CLMN: variants seen among roughly 807,000 people sequenced by gnomAD.
The protein encoded by CLMN is calmin.
Under a neutral mutation model 92.7 loss-of-function variants are expected in CLMN, and 57 were observed. The observed-to-expected ratio is 0.61, with a 90% CI of 0.50 to 0.77. The LOEUF (loss-of-function observed/expected upper bound fraction) is 0.77. Among genes scored for constraint, CLMN ranks in the 30% least tolerant of loss-of-function variants. The pLI, the probability that CLMN is intolerant of heterozygous loss-of-function variation, is 0.00. For missense variants in CLMN, 1,158 were observed against 1,237.5 expected (o/e 0.94, Z 0.96); for synonymous variants, 466 against 470.6 (o/e 0.99, Z 0.13).
intron 1 of CLMN, among the ~76,000 whole-genome samples, chr14:95,286,731 G>C (rs779723020): frequency 6.6e-6 from 1 of 152,314 alleles, no homozygotes; most frequent in African/African-American, 2.4e-5. Flanking sequence ...AAGACCAAGA[G>C]TCTGCAGGGA....
Position 95,191,337 on chromosome 14 carries a change from T to C in CLMN, c.*227A>G. On this transcript the variant is annotated 3_prime_UTR_variant, in exon 13 of 13. Transcript: ENST00000298912. This position sits in a 1 kb window ranked among gnomAD's most constrained non-coding sequence, Gnocchi z 5.3. ...AACCCCACCTACGGATCCAGCTGCATGCCTGAGTTTTGAGTACACAGCCAA... is the reference window on the plus strand; with the variant it reads ...AACCCCACCTACGGATCCAGCTGCACGCCTGAGTTTTGAGTACACAGCCAA... The C allele has an allele frequency of 2.7e-6, 1 of 373,536 alleles. No individual in the cohort carries two copies. Among genetic ancestry groups the C allele is most frequent in the Middle Eastern group, 7.2e-4 (1 of 1,380 alleles). 23.1% of individuals were successfully genotyped at this position (373,536 alleles called of 1,614,324 possible). A position where few individuals can be genotyped will look rare whatever the true frequency, so the allele number is the denominator to read the frequency against.
In CLMN at chr14:95,230,129, C is replaced by G; in HGVS notation, c.87G>C (p.Glu29Asp). The change falls in exon 2 of 13, where the codon GAG becomes GAC. Residue 29 changes from glutamate to aspartate, a missense_variant. Transcript: ENST00000298912. ...SDIRVQNLQV[E>D]RENVQKRTFT... Reference sequence around the variant, plus strand: ...AGGTCCTCTTCTGCACATTTTCCCTCTCAACTGAAAACAAAGACATACCAT... The same window carrying G: ...AGGTCCTCTTCTGCACATTTTCCCTGTCAACTGAAAACAAAGACATACCAT... 1 of 1,614,122 alleles carries G rather than the reference C, an allele frequency of 6.2e-7. No homozygotes were observed. Among genetic ancestry groups the G allele is most frequent in the African/African-American group, 1.3e-5 (1 of 75,052 alleles).
chr14:95,215,616 T>C, intron 5 of CLMN, 25 bp downstream of exon 5: 2 of 1,586,098 alleles, frequency 1.3e-6, no homozygotes, highest in Non-Finnish European at 1.7e-6. Context: ...CATGATTGTG[T>C]GTTTTGGAAA....
chr14:95,272,854 G>C (rs1273506809), intron 1 of CLMN, among the ~76,000 whole-genome samples: 1 of 152,150 alleles, frequency 6.6e-6, no homozygotes, highest in African/African-American at 2.4e-5. Flanking sequence ...AACCTCCCTT[G>C]TTCATTTATT....
chr14:95,240,444 G>A (rs1286677256), intron 1 of CLMN, among the ~76,000 whole-genome samples: 6 of 152,136 alleles, frequency 3.9e-5, no homozygotes, highest in South Asian at 4.1e-4. Flanking sequence ...TCCATGCCTC[G>A]TGACCACTGC....
intron 7 of CLMN, 40 bp downstream of exon 7, chr14:95,210,646 A>C (rs765063740): frequency 6.6e-7 from 1 of 1,523,308 alleles, no homozygotes; most frequent in South Asian, 1.2e-5. Flanking sequence ...GTACATTTGT[A>C]AAAAAAAATT....
At chr14:95,240,983 C>A (rs183681444) in intron 1 of CLMN, among the ~76,000 whole-genome samples, 1 of 151,954 alleles carries the variant, frequency 6.6e-6, no homozygotes, top group South Asian at 2.1e-4. Flanking sequence ...GGCTCAAGTG[C>A]GGAAGAAAGG....
At chr14:95,318,602 G>C (rs1365909983) in intron 1 of CLMN, among the ~76,000 whole-genome samples, 2 of 152,100 alleles carry the variant, frequency 1.3e-5, no homozygotes, top group Non-Finnish European at 2.9e-5. Context: ...CTGGCTGGGG[G>C]AGGGCACCCA....
intron 1 of CLMN, among the ~76,000 whole-genome samples, chr14:95,255,129 G>A (rs10149487): frequency 0.014 from 2,158 of 152,218 alleles, 48 homozygotes; most frequent in African/African-American, 0.049. Flanking sequence ...ATGAGAGGAG[G>A]GGCAGGGGAC....
chr14:95,318,086 A>G (rs1901874827), intron 1 of CLMN, among the ~76,000 whole-genome samples: 1 of 152,134 alleles, frequency 6.6e-6, no homozygotes, highest in South Asian at 2.1e-4. Flanking sequence ...CTTCACAACA[A>G]TCAATCTTCT....
intron 1 of CLMN, among the ~76,000 whole-genome samples, chr14:95,231,528 T>C (rs1409125200): frequency 6.6e-6 from 1 of 152,064 alleles, no homozygotes; most frequent in Non-Finnish European, 1.5e-5. Context: ...CTTGAAAACA[T>C]CCCCCTCAGC....
At chr14:95,303,271 C>T (rs999812235) in intron 1 of CLMN, among the ~76,000 whole-genome samples, 1 of 152,246 alleles carries the variant, frequency 6.6e-6, no homozygotes, top group African/African-American at 2.4e-5. Flanking sequence ...TAACTCATTC[C>T]CTCAGCGGTG....
At chr14:95,216,959 G>C (rs1897369479) in intron 4 of CLMN, among the ~76,000 whole-genome samples, 2 of 152,196 alleles carry the variant, frequency 1.3e-5, no homozygotes, top group South Asian at 4.1e-4. Flanking sequence ...GCTCGGGTTT[G>C]AGGATCACTG....
intron 2 of CLMN, among the ~76,000 whole-genome samples, chr14:95,229,073 A>G (rs1372183622): frequency 1.3e-5 from 2 of 152,258 alleles, no homozygotes; most frequent in East Asian, 3.8e-4. Context: ...CTTGCTGGAT[A>G]TAGATGGAGA....
At chr14:95,298,617 T>C (rs936232339) in intron 1 of CLMN, among the ~76,000 whole-genome samples, 1 of 152,222 alleles carries the variant, frequency 6.6e-6, no homozygotes. Flanking sequence ...AAGTTAATCT[T>C]GGGTCAGAAC....
intron 3 of CLMN, among the ~76,000 whole-genome samples, chr14:95,222,762 C>T (rs1428051136): frequency 6.6e-6 from 1 of 152,162 alleles, no homozygotes; most frequent in African/African-American, 2.4e-5. Flanking sequence ...CTGCGGGTGC[C>T]GCTAATAGGT....
rs1435025498 is a variant in CLMN, at chr14:95,245,203, ATATAT to A, written c.83-15075_83-15071del. Among the ~76,000 whole-genome samples the A allele has an allele frequency of 5.1e-3, 167 of 32,834 alleles. 8 individuals carry two copies. Among genetic ancestry groups the A allele is most frequent in the African/African-American group, 0.021 (135 of 6,450 alleles). The allele number at this position is 32,834 out of a possible 152,430, so 21.5% of individuals were successfully genotyped here. A position where few individuals can be genotyped will look rare whatever the true frequency, so the allele number is the denominator to read the frequency against. On this transcript the variant is annotated intron_variant, in intron 1 of 12. Coordinates refer to ENST00000298912, the MANE Select transcript of CLMN (RefSeq NM_024734.4). The stretch of plus-strand genomic sequence containing the variant: ...ATATATATATATATATAATATATAT[ATATAT>A]TATATATATATATATATTATATATA...
At chr14:95,271,123 T>A (rs1440294219) in intron 1 of CLMN, among the ~76,000 whole-genome samples, 1 of 152,248 alleles carries the variant, frequency 6.6e-6, no homozygotes, top group Non-Finnish European at 1.5e-5. Context: ...AAGAAATATC[T>A]ACTCAAATCC....
intron 1 of CLMN, among the ~76,000 whole-genome samples, chr14:95,231,441 G>A (rs542924196): frequency 1.2e-4 from 19 of 152,052 alleles, no homozygotes; most frequent in African/African-American, 2.9e-4. Flanking sequence ...CTCGGGATCC[G>A]CCCACCTCGG....
Sources: gnomAD v4.1 joint callset for allele counts (sites outside exome capture counted in the v4.1 genomes callset) on GRCh38, gnomAD v4.1.1 for gene constraint, Gnocchi (gnomAD v3.1) non-coding constraint, MANE v1.5 for transcripts, NCBI Gene and HGNC (gene_info 2026-07-23, HGNC 2026-07-21) for gene names.